Variants in AMY2B observed in about 807,000 individuals in gnomAD.
The protein encoded by AMY2B is amylase alpha 2B.
A neutral mutation model predicts 59.3 loss-of-function variants in AMY2B; 63 were observed. The ratio of observed to expected loss-of-function variants is 1.06; its 90% CI spans 0.87 to 1.31. The LOEUF is 1.31. Ranked by LOEUF, AMY2B falls within the 50% of genes most tolerant of loss-of-function variation. The pLI is 0.00. For missense variants in AMY2B, 635 were observed against 626.7 expected (o/e 1.01, Z -0.14); for synonymous variants, 180 against 198.1 (o/e 0.91, Z 0.77).
chr1:103,578,893 C>A (rs923428486), intron 9 of AMY2B, among the ~76,000 whole-genome samples: 4 of 151,712 alleles, frequency 2.6e-5, no homozygotes, highest in African/African-American at 7.3e-5. Flanking sequence ...GGGAGATATA[C>A]CTAATGCTAG....
intron 5 of AMY2B, 35 bp downstream of exon 5, chr1:103,574,428 A>G: frequency 6.2e-7 from 1 of 1,609,426 alleles, no homozygotes; most frequent in Non-Finnish European, 8.5e-7. Flanking sequence ...GAAGTATTTC[A>G]TAGATTTATT....
intron 2 of AMY2B, among the ~76,000 whole-genome samples, chr1:103,572,696 A>G (rs1303305367): frequency 6.6e-6 from 1 of 152,184 alleles, no homozygotes; most frequent in Non-Finnish European, 1.5e-5. Context: ...ATTTGTCTTC[A>G]AAAGCTTAGT....
intron 1 of AMY2B, among the ~76,000 whole-genome samples, chr1:103,557,579 G>A (rs1168131024): frequency 2.6e-5 from 4 of 151,808 alleles, no homozygotes; most frequent in East Asian, 1.9e-4. Context: ...ATTTGAACCC[G>A]AAGGTGGAGG....
Position 103,573,201 on chromosome 1 carries a change from A to T in AMY2B, c.454A>T (p.Asn152Tyr), listed in dbSNP as rs780335193. The T allele has an allele frequency of 1.2e-6, 2 of 1,613,624 alleles. No homozygotes were observed. The highest frequency in any genetic ancestry group is 2.7e-5 in the African/African-American group (2 of 74,892). ...AGTCCCATATTCTGGATGGGATTTT[A>T]ATGATGGTAAATGTAAAACTGGAAG... ...PAVPYSGWDF[N>Y]DGKCKTGSGD... The change falls in exon 3 of 10, where the codon AAT (asparagine) becomes TAT (tyrosine). Residue 152 changes from asparagine to tyrosine, a missense_variant. By Grantham distance (143) the Asn-to-Tyr change is moderately radical. Transcript: ENST00000684275.
intron 4 of AMY2B, 81 bp downstream of exon 4, chr1:103,574,019 C>G: frequency 6.2e-7 from 1 of 1,606,876 alleles, no homozygotes; most frequent in Non-Finnish European, 8.5e-7. Context: ...AATGCAATTT[C>G]TATAGGATAA....
Position 103,577,571 on chromosome 1 carries a change from A to G in AMY2B, c.1183A>G (p.Asn395Asp), listed in dbSNP as rs1652409033. ...VTINPDTTCG[N>D]DWVCEHRWRQ... The stretch of plus-strand genomic sequence containing the variant: ...TATTAATCCAGACACTACTTGTGGC[A>G]ATGACTGGGTCTGTGAACATCGATG... Residue 395 changes from asparagine to aspartate, a missense_variant, in exon 8 of 10, where the codon AAT becomes GAT. Transcript: ENST00000684275. 1.2e-6 allele frequency: 2 copies of G among 1,611,978 alleles called. No homozygotes were observed. The highest frequency in any genetic ancestry group is 1.7e-6 in the Non-Finnish European group (2 of 1,179,826).
intron 1 of AMY2B, chr1:103,561,919 C>T (rs1175773879): frequency 6.6e-6 from 1 of 152,042 alleles, no homozygotes; most frequent in East Asian, 1.9e-4. Flanking sequence ...TGGAGTAGGA[C>T]TCTAGGGCCA....
chr1:103,573,790 A>G lies in AMY2B; in HGVS notation c.596A>G (p.Asn199Ser). ...CGTTCCAAGATTGCCGAATATATGA[A>G]TCATCTCATTGACATTGGTGTTGCA... ...YVRSKIAEYM[N>S]HLIDIGVAGF... The change falls in exon 4 of 10, where the codon AAT (asparagine) becomes AGT (serine). Residue 199 changes from asparagine to serine, a missense_variant. Coordinates refer to ENST00000684275, the MANE Select transcript of AMY2B (RefSeq NM_001387437.1). The G allele has an allele frequency of 6.2e-7, 1 of 1,613,814 alleles. No homozygotes were observed. Among genetic ancestry groups the G allele is most frequent in the Non-Finnish European group, 8.5e-7 (1 of 1,179,768 alleles).
chr1:103,566,139 C>A lies in AMY2B; in HGVS notation c.-47+545C>A, dbSNP rs572511698. On this transcript the variant is annotated intron_variant, in intron 2 of 11. Coordinates refer to the AMY2B transcript ENST00000361355. ...CTTACTTAAAAGCAATTTTACCTATCTCTTTTCATTGATGTCAAACCCATT... is the reference window on the plus strand; with the variant it reads ...CTTACTTAAAAGCAATTTTACCTATATCTTTTCATTGATGTCAAACCCATT... Among the ~76,000 whole-genome samples, 9 of 152,278 alleles carry A rather than the reference C, an allele frequency of 5.9e-5. No individual in the cohort carries two copies. The East Asian group carries it at 1.7e-3, about 29-fold the overall frequency.
At chr1:103,563,507 T>G (rs943043243) in intron 1 of AMY2B, among the ~76,000 whole-genome samples, 32 of 152,138 alleles carry the variant, frequency 2.1e-4, no homozygotes, top group Non-Finnish European at 1.5e-5. Context: ...GACATAAATA[T>G]ACTTTAATTG....
At chr1:103,568,306 A>T (rs2101068040), upstream of AMY2B, 1 of 152,326 alleles carries the variant, frequency 6.6e-6, no homozygotes, top group South Asian at 2.1e-4. Context: ...CATTTCACTT[A>T]CATTACATTA....
chr1:103,575,541 G>A lies in AMY2B; in HGVS notation c.1101+1G>A, dbSNP rs201379773. Reference sequence around the variant, plus strand: ...GCCAAGACAGTTTCAAAATGGAAACGTAAGTTTTGAAATTGTTCAAACTAT... The same window carrying A: ...GCCAAGACAGTTTCAAAATGGAAACATAAGTTTTGAAATTGTTCAAACTAT... On this transcript the variant is annotated splice_donor_variant, in intron 7 of 9. Coordinates refer to ENST00000684275, the MANE Select transcript of AMY2B (RefSeq NM_001387437.1). LOFTEE classifies it high-confidence loss of function. The A allele has an allele frequency of 7.6e-5, 123 of 1,613,344 alleles. No homozygotes were observed. The highest frequency in any genetic ancestry group is 9.4e-5 in the Non-Finnish European group (111 of 1,179,668).
At chr1:103,577,663 A>G (rs1652414315) in intron 8 of AMY2B, 55 bp downstream of exon 8, 2 of 1,611,816 alleles carry the variant, frequency 1.2e-6, no homozygotes, top group Admixed American at 3.3e-5. Flanking sequence ...ATTGCATTTT[A>G]TTTAAAACAG....
chr1:103,566,454 T>C (rs1651915519), intron 2 of AMY2B, among the ~76,000 whole-genome samples: 1 of 152,210 alleles, frequency 6.6e-6, no homozygotes, highest in African/African-American at 2.4e-5. Context: ...TGGTAAATTC[T>C]GTTTAGCCTA....
Position 103,559,078 on chromosome 1 carries a change from G to T in AMY2B, c.-207+3969G>T, listed in dbSNP as rs180825586. ...TTGTTGCTTTAAGTATCCATGGTGG[G>T]TCCTGGAACCAATTCCTCATGGATA... On this transcript the variant is annotated intron_variant, in intron 1 of 11. Transcript: ENST00000361355. Among the ~76,000 whole-genome samples, 318 of 152,150 alleles carry T rather than the reference G, an allele frequency of 2.1e-3. 2 individuals carry two copies. Among genetic ancestry groups the T allele is most frequent in the African/African-American group, 7.4e-3 (308 of 41,526 alleles).
chr1:103,574,053 G>A (rs1652246876), intron 4 of AMY2B, 115 bp downstream of exon 4: 1 of 1,565,704 alleles, frequency 6.4e-7, no homozygotes, highest in Admixed American at 1.9e-5. Flanking sequence ...TATATAAAAT[G>A]GTGTTCTTTA....
Position 103,573,185 on chromosome 1 carries a change from T to C in AMY2B, c.438T>C (p.Tyr146=). ...PGSRDFPAVP[Y]SGWDFNDGKC... ...GTAGGGACTTTCCAGCAGTCCCATATTCTGGATGGGATTTTAATGATGGTA... is the reference window on the plus strand; with the variant it reads ...GTAGGGACTTTCCAGCAGTCCCATACTCTGGATGGGATTTTAATGATGGTA... The change falls in exon 3 of 10, where the codon TAT becomes TAC. Residue 146 remains tyrosine, a synonymous_variant. Transcript: ENST00000684275. 1 of 1,613,758 alleles carries C rather than the reference T, an allele frequency of 6.2e-7. No individual in the cohort carries two copies. Among genetic ancestry groups the C allele is most frequent in the South Asian group, 1.1e-5 (1 of 91,070 alleles).
At chr1:103,575,576 A>C in intron 7 of AMY2B, 36 bp downstream of exon 7, 6 of 1,608,140 alleles carry the variant, frequency 3.7e-6, no homozygotes, top group South Asian at 1.1e-5. Context: ...TCCTTTTCTC[A>C]AGAAACAGAA....
chr1:103,575,160 T>C (rs1184827059), intron 5 of AMY2B, 63 bp from the exon 6 acceptor site: 3 of 1,607,762 alleles, frequency 1.9e-6, no homozygotes, highest in South Asian at 2.2e-5. Flanking sequence ...AGATGCACAG[T>C]TAAGTTACTC....
Sources: gnomAD v4.1 joint callset for allele counts (sites outside exome capture counted in the v4.1 genomes callset) on GRCh38, gnomAD v4.1.1 for gene constraint, MANE v1.5 for transcripts, NCBI Gene and HGNC (gene_info 2026-07-23, HGNC 2026-07-21) for gene names.